TOX: variants seen among roughly 807,000 people sequenced by gnomAD.
TOX encodes the protein thymocyte selection associated high mobility group box, also known as thymocyte selection-associated high mobility group box protein TOX.
A neutral mutation model predicts 53.7 loss-of-function variants in TOX; 11 were observed. The observed-to-expected ratio is 0.20, with a 90% confidence interval of 0.13 to 0.34. TOX has a LOEUF of 0.34. Ranked by LOEUF, TOX falls within the 10% of genes least tolerant of loss-of-function variation. The probability of loss-of-function intolerance (pLI) is 1.00; values close to 1 mark genes in which losing one functional copy is unlikely to be tolerated. For missense variants in TOX, 570 were observed against 664.6 expected (o/e 0.86, Z 1.56); for synonymous variants, 225 against 245.3 (o/e 0.92, Z 0.77).
intron 6 of TOX, among the ~76,000 whole-genome samples, chr8:58,818,741 A>G (rs1423329298): frequency 6.6e-6 from 1 of 152,176 alleles, no homozygotes; most frequent in African/African-American, 2.4e-5. Flanking sequence ...GCCACAGAGT[A>G]TTAGATTGAC....
intron 1 of TOX, among the ~76,000 whole-genome samples, chr8:59,039,847 T>A (rs565455652): frequency 6.9e-6 from 1 of 145,620 alleles, no homozygotes; most frequent in African/African-American, 2.7e-5. Flanking sequence ...TTTAAATAAT[T>A]TTTTTTAAGT....
At chr8:58,920,918 A>T (rs980837638) in intron 3 of TOX, among the ~76,000 whole-genome samples, 8 of 152,134 alleles carry the variant, frequency 5.3e-5, no homozygotes, top group African/African-American at 1.9e-4. Flanking sequence ...TGATATTCCC[A>T]GTTTATTAAT....
At position 59,118,204 on chromosome 8, in the gene TOX, C is replaced by A. The variant is rs1334882033; in HGVS notation, c.102+682G>T. On this transcript the variant is annotated intron_variant, in intron 1 of 8. Coordinates refer to ENST00000361421, the MANE Select transcript of TOX (RefSeq NM_014729.3). The surrounding 1 kb of genome is among the most constrained non-coding windows in gnomAD (Gnocchi z 4.1). ...TGGACTTGAACGCGACGTGCTCGCC[C>A]GGCTCCCAACAAACTTGCAATTTCC... Among the ~76,000 whole-genome samples, 3 of 152,214 alleles carry A rather than the reference C, an allele frequency of 2.0e-5. No individual in the cohort carries two copies. Among genetic ancestry groups the A allele is most frequent in the African/African-American group, 7.2e-5 (3 of 41,466 alleles).
chr8:58,861,954 GC>G (rs924108617), intron 3 of TOX, among the ~76,000 whole-genome samples: 1 of 152,096 alleles, frequency 6.6e-6, no homozygotes, highest in Non-Finnish European at 1.5e-5. Flanking sequence ...ATCTTAAGAA[GC>G]AAAATTAAAA....
At chr8:58,905,190 A>G (rs377180384) in intron 3 of TOX, among the ~76,000 whole-genome samples, 1 of 152,324 alleles carries the variant, frequency 6.6e-6, no homozygotes, top group Admixed American at 6.5e-5. Flanking sequence ...TTTGGCCTCC[A>G]AAAGTGCTGG....
intron 1 of TOX, among the ~76,000 whole-genome samples, chr8:59,028,018 T>G (rs1055433126): frequency 4.6e-5 from 7 of 152,172 alleles, no homozygotes; most frequent in African/African-American, 7.2e-5. Context: ...CTTTGAAATC[T>G]TTCGAAGCAT....
intron 1 of TOX, among the ~76,000 whole-genome samples, chr8:59,047,586 G>T (rs964690720): frequency 1.3e-5 from 2 of 151,076 alleles, no homozygotes; most frequent in Non-Finnish European, 2.9e-5. Context: ...TCCTAGAGAC[G>T]GGGTTCCACT....
At chr8:59,113,859 G>A (rs531885677) in intron 1 of TOX, among the ~76,000 whole-genome samples, 1 of 152,226 alleles carries the variant, frequency 6.6e-6, no homozygotes, top group South Asian at 2.1e-4. Context: ...ACACCCGCAG[G>A]GTCTTTTGAA....
At chr8:58,927,185 CTTT>C (rs1402437492) in intron 3 of TOX, among the ~76,000 whole-genome samples, 1 of 151,980 alleles carries the variant, frequency 6.6e-6, no homozygotes, top group Non-Finnish European at 1.5e-5. Context: ...TACTCATTCT[CTTT>C]TATTATTTCA....
intron 1 of TOX, among the ~76,000 whole-genome samples, chr8:59,116,764 C>T (rs1805107858): frequency 1.3e-5 from 2 of 152,090 alleles, no homozygotes; most frequent in African/African-American, 4.8e-5. Context: ...ATAGAAGACT[C>T]GCAACTAGTC....
intron 3 of TOX, among the ~76,000 whole-genome samples, chr8:58,872,205 T>C (rs1287434087): frequency 6.6e-6 from 1 of 151,936 alleles, no homozygotes; most frequent in East Asian, 1.9e-4. Flanking sequence ...CTAGAACAAT[T>C]TGAGCAAAAC....
At chr8:58,874,191 T>C (rs1440939465) in intron 3 of TOX, among the ~76,000 whole-genome samples, 1 of 151,776 alleles carries the variant, frequency 6.6e-6, no homozygotes, top group East Asian at 1.9e-4. Context: ...GGCCCATCCA[T>C]ATTTTTACTC....
intron 1 of TOX, among the ~76,000 whole-genome samples, chr8:58,966,057 C>G (rs1348603744): frequency 6.6e-6 from 1 of 152,096 alleles, no homozygotes; most frequent in South Asian, 2.1e-4. Flanking sequence ...CACAGTCACA[C>G]AGATCCAGTG....
At chr8:59,044,446 T>C (rs1001142278) in intron 1 of TOX, among the ~76,000 whole-genome samples, 3 of 152,040 alleles carry the variant, frequency 2.0e-5, no homozygotes, top group African/African-American at 4.8e-5. Flanking sequence ...CTACAGAGAG[T>C]TGAATCCCCA....
intron 3 of TOX, among the ~76,000 whole-genome samples, chr8:58,867,612 A>C (rs965187967): frequency 6.6e-6 from 1 of 152,220 alleles, no homozygotes; most frequent in Admixed American, 6.5e-5. Context: ...TAACATGTAC[A>C]TGAATCTTTT....
At chr8:59,029,222 C>T (rs2129419931) in intron 1 of TOX, among the ~76,000 whole-genome samples, 1 of 151,280 alleles carries the variant, frequency 6.6e-6, no homozygotes, top group South Asian at 2.1e-4. Flanking sequence ...ATATAGTCCC[C>T]ACCCACCCCC....
intron 3 of TOX, among the ~76,000 whole-genome samples, chr8:58,872,014 A>C (rs946609463): frequency 6.6e-6 from 1 of 152,152 alleles, no homozygotes; most frequent in Non-Finnish European, 1.5e-5. Flanking sequence ...CCTTAGAAAA[A>C]TGGCTTGCTC....
intron 1 of TOX, among the ~76,000 whole-genome samples, chr8:58,987,573 G>A (rs189356328): frequency 4.3e-4 from 66 of 152,304 alleles, no homozygotes; most frequent in African/African-American, 1.5e-3. Context: ...GATTGGAGCC[G>A]GAAGAGTCTT....
intron 2 of TOX, among the ~76,000 whole-genome samples, chr8:58,941,780 C>T (rs146468744): frequency 0.022 from 3,401 of 152,118 alleles, 52 homozygotes; most frequent in Middle Eastern, 0.099. Flanking sequence ...TGGCGGGGCG[C>T]GGTGGCTCAT....
Sources: gnomAD v4.1 joint callset for allele counts (sites outside exome capture counted in the v4.1 genomes callset) on GRCh38, gnomAD v4.1.1 for gene constraint, Gnocchi (gnomAD v3.1) non-coding constraint, MANE v1.5 for transcripts, NCBI Gene and HGNC (gene_info 2026-07-23, HGNC 2026-07-21) for gene names.